Variants in SLC39A11 observed in about 807,000 individuals in gnomAD.
SLC39A11 encodes zinc transporter ZIP11.
A neutral mutation model predicts 36.1 loss-of-function variants in SLC39A11; 33 were observed. The observed-to-expected ratio is 0.91, with a 90% confidence interval of 0.69 to 1.22. The LOEUF is 1.22. Among genes scored for constraint, SLC39A11 ranks in the 50% most tolerant of loss-of-function variants. The pLI, the probability that SLC39A11 is intolerant of heterozygous loss-of-function variation, is 0.00. For synonymous variants in SLC39A11, 166 were observed against 170.3 expected, an observed-to-expected ratio of 0.97 and a Z score of 0.20; for missense variants, 432 against 430.3, an observed-to-expected ratio of 1.00 and a Z score of -0.03.
chr17:72,934,534 C>T (rs1235137763), intron 5 of SLC39A11, among the ~76,000 whole-genome samples: 2 of 152,042 alleles, frequency 1.3e-5, no homozygotes, highest in East Asian at 3.9e-4. Context: ...GGCAGGGTGG[C>T]GTGTGCCTGT....
intron 6 of SLC39A11, among the ~76,000 whole-genome samples, chr17:72,845,207 C>A (rs2078996690): frequency 6.6e-6 from 1 of 152,210 alleles, no homozygotes; most frequent in African/African-American, 2.4e-5. Context: ...CATACACACC[C>A]TCTTCAAAAC....
chr17:73,070,965 G>A (rs2060145195), intron 3 of SLC39A11, among the ~76,000 whole-genome samples: 1 of 152,052 alleles, frequency 6.6e-6, no homozygotes, highest in Non-Finnish European at 1.5e-5. Context: ...TACACCTAGG[G>A]AGCTCTAAAA....
chr17:72,959,319 G>A (rs1274726038), intron 4 of SLC39A11, among the ~76,000 whole-genome samples: 1 of 49,210 alleles, frequency 2.0e-5, no homozygotes, highest in Non-Finnish European at 3.8e-5. Context: ...GTATGTGTGT[G>A]TGTGTGTATA....
At chr17:72,831,084 T>G (rs1248853970) in intron 6 of SLC39A11, among the ~76,000 whole-genome samples, 2 of 152,168 alleles carry the variant, frequency 1.3e-5, no homozygotes, top group Non-Finnish European at 2.9e-5. Flanking sequence ...TATTGCTATG[T>G]TGACATTTAA....
intron 3 of SLC39A11, among the ~76,000 whole-genome samples, chr17:73,048,382 A>G (rs1032360279): frequency 2.0e-5 from 3 of 152,116 alleles, no homozygotes; most frequent in African/African-American, 7.2e-5. Context: ...CTTTTTTATG[A>G]CTGCATAGTA....
At chr17:72,853,698 A>G (rs2079491337) in intron 5 of SLC39A11, among the ~76,000 whole-genome samples, 2 of 152,296 alleles carry the variant, frequency 1.3e-5, no homozygotes, top group East Asian at 1.9e-4. Flanking sequence ...TGAAAGTTAA[A>G]TAAGCCACCA....
chr17:72,686,963 A>G (rs1330741256), intron 7 of SLC39A11, among the ~76,000 whole-genome samples: 3 of 152,132 alleles, frequency 2.0e-5, no homozygotes, highest in African/African-American at 7.2e-5. Context: ...CCGAATAGCT[A>G]TTTTCCAAAT....
At chr17:72,704,240 T>A (rs1289721125) in intron 7 of SLC39A11, among the ~76,000 whole-genome samples, 1 of 152,216 alleles carries the variant, frequency 6.6e-6, no homozygotes, top group Non-Finnish European at 1.5e-5. Flanking sequence ...TTATGGGAGA[T>A]AAACTATTAT....
intron 7 of SLC39A11, among the ~76,000 whole-genome samples, chr17:72,657,267 T>A (rs2070173669): frequency 6.6e-6 from 1 of 151,816 alleles, no homozygotes; most frequent in Non-Finnish European, 1.5e-5. Flanking sequence ...AGCTGAGGCA[T>A]GAGAATCGCT....
chr17:73,046,849 G>A (rs2059310388), intron 3 of SLC39A11, among the ~76,000 whole-genome samples: 1 of 152,002 alleles, frequency 6.6e-6, no homozygotes, highest in African/African-American at 2.4e-5. Flanking sequence ...GCTGAAGTGG[G>A]GGCATCGCTT....
At chr17:72,686,561 A>G (rs550168789) in intron 7 of SLC39A11, among the ~76,000 whole-genome samples, 194 of 73,640 alleles carry the variant, frequency 2.6e-3, no homozygotes, top group African/African-American at 0.01. Flanking sequence ...CCCTCTCAAC[A>G]TCTAAAACTG....
At chr17:72,980,636 C>T (rs1441966187) in intron 4 of SLC39A11, among the ~76,000 whole-genome samples, 1 of 152,040 alleles carries the variant, frequency 6.6e-6, no homozygotes, top group Non-Finnish European at 1.5e-5. Flanking sequence ...ATACAGAAGA[C>T]GAATAGATGA....
At chr17:72,959,342 T>TAC (rs2086462893) in intron 4 of SLC39A11, among the ~76,000 whole-genome samples, 1 of 133,896 alleles carries the variant, frequency 7.5e-6, no homozygotes, top group African/African-American at 3.0e-5. Context: ...TATATATATA[T>TAC]ATATATATAT....
At chr17:72,817,738 C>G (rs1804534197) in intron 6 of SLC39A11, 1 of 152,222 alleles carries the variant, frequency 6.6e-6, no homozygotes, top group African/African-American at 2.4e-5. Flanking sequence ...CTATTTCCAG[C>G]CTGGGAGTAA....
In SLC39A11 at chr17:72,655,128, C is replaced by A. The variant is rs371912027; in HGVS notation, c.672-5860G>T. Reference sequence around the variant, plus strand: ...CAGAGTCCCTCCTGACACTCCTGGGCTCCTTTGCTCCCCAGCAGGGGCTGG... The same window carrying A: ...CAGAGTCCCTCCTGACACTCCTGGGATCCTTTGCTCCCCAGCAGGGGCTGG... On this transcript the variant is annotated intron_variant, in intron 7 of 9. Transcript: ENST00000255559. Among the ~76,000 whole-genome samples, 17 of 152,374 alleles carry A rather than the reference C, an allele frequency of 1.1e-4. No individual in the cohort carries two copies. The East Asian group carries it at 2.7e-3, about 24-fold the overall frequency.
rs116301371 is a variant in SLC39A11, at chr17:72,955,764, G to A, written c.307-7889C>T. On this transcript the variant is annotated intron_variant, in intron 4 of 9. Coordinates refer to ENST00000255559, the MANE Select transcript of SLC39A11 (RefSeq NM_139177.4). ...AATGACAGAGGCTCCAAAATAAGAG[G>A]GAAATGTTGCATAATACAGAACATA... Among the ~76,000 whole-genome samples, 1,176 of 152,146 alleles carry A rather than the reference G, an allele frequency of 7.7e-3. 16 individuals are homozygous for A. The highest frequency in any genetic ancestry group is 0.026 in the African/African-American group (1,094 of 41,480).
chr17:72,728,035 C>T (rs1383785027), intron 7 of SLC39A11, among the ~76,000 whole-genome samples: 4 of 152,176 alleles, frequency 2.6e-5, no homozygotes, highest in Non-Finnish European at 5.9e-5. Flanking sequence ...CCTGCTTCAA[C>T]AGACAGGGCA....
chr17:72,727,304 G>A (rs534304879), intron 7 of SLC39A11, among the ~76,000 whole-genome samples: 4 of 152,304 alleles, frequency 2.6e-5, no homozygotes, highest in African/African-American at 9.6e-5. Context: ...CATACGGTCT[G>A]AAGAATTCCT....
intron 4 of SLC39A11, among the ~76,000 whole-genome samples, chr17:73,004,191 G>GAAAAAGAAAGAAAGAAAGAAAGA (rs1306618948): frequency 1.1e-5 from 1 of 94,730 alleles, no homozygotes; most frequent in African/African-American, 4.5e-5. Flanking sequence ...AAGAAAGAAA[G>GAAAAAGAAAGAAAGAAAGAAAGA]AAAGAAAGAA....
Sources: gnomAD v4.1 joint callset for allele counts (sites outside exome capture counted in the v4.1 genomes callset) on GRCh38, gnomAD v4.1.1 for gene constraint, MANE v1.5 for transcripts, NCBI Gene and HGNC (gene_info 2026-07-23, HGNC 2026-07-21) for gene names.